Variants in DYNC2H1 observed in about 807,000 individuals in gnomAD.
The protein encoded by DYNC2H1 is dynein cytoplasmic 2 heavy chain 1, also known as cytoplasmic dynein 2 heavy chain 1.
Under a neutral mutation model 570.0 loss-of-function variants are expected in DYNC2H1, and 410 were observed. The ratio of observed to expected loss-of-function variants is 0.72; its 90% CI spans 0.66 to 0.78. The LOEUF (loss-of-function observed/expected upper bound fraction) is 0.78. Among genes scored for constraint, DYNC2H1 ranks in the 30% least tolerant of loss-of-function variants. The pLI, the probability that DYNC2H1 is intolerant of heterozygous loss-of-function variation, is 0.00. For missense variants in DYNC2H1, 4,865 were observed against 5,046.4 expected (o/e 0.96, Z 1.09); for synonymous variants, 1,688 against 1,677.6 (o/e 1.01, Z -0.15).
intron 79 of DYNC2H1, among the ~76,000 whole-genome samples, chr11:103,314,902 C>T (rs534315658): frequency 6.6e-6 from 1 of 151,900 alleles, no homozygotes; most frequent in Non-Finnish European, 1.5e-5. Context: ...TAAAAATAAA[C>T]TTTTTCACAT....
intron 79 of DYNC2H1, among the ~76,000 whole-genome samples, chr11:103,313,678 A>G (rs60654445): frequency 0.34 from 51,368 of 152,100 alleles, 9,152 homozygotes; most frequent in Middle Eastern, 0.39. Flanking sequence ...CCTCAACTGT[A>G]GAACGAGAGT....
chr11:103,401,067 T>G (rs1845297684), intron 84 of DYNC2H1, among the ~76,000 whole-genome samples: 2 of 152,164 alleles, frequency 1.3e-5, no homozygotes, highest in Non-Finnish European at 2.9e-5. Flanking sequence ...GATTCTAAAC[T>G]TTCTAAAAAC....
chr11:103,153,268 C>G lies in DYNC2H1; in HGVS notation c.3097-35C>G, dbSNP rs1435174707. 7.5e-6 allele frequency: 11 copies of G among 1,471,838 alleles called. No homozygotes were observed. The East Asian group carries it at 1.8e-4, about 24-fold the overall frequency. 91.2% of individuals were successfully genotyped at this position (1,471,838 alleles called of 1,614,324 possible). A position where few individuals can be genotyped will look rare whatever the true frequency, so the allele number is the denominator to read the frequency against. Reference sequence around the variant, plus strand: ...TATGAACCCAAAATGAAATTTTACTCTGCATTAAATTATTTAAATTTTATT... The same window carrying G: ...TATGAACCCAAAATGAAATTTTACTGTGCATTAAATTATTTAAATTTTATT... On this transcript the variant is annotated intron_variant, in intron 21 of 88. Transcript: ENST00000375735.
chr11:103,300,171 G>A (rs960110039), intron 75 of DYNC2H1, among the ~76,000 whole-genome samples: 3 of 152,042 alleles, frequency 2.0e-5, no homozygotes, highest in African/African-American at 4.8e-5. Context: ...TGCAAAGTAC[G>A]GGAGTCAATT....
chr11:103,448,733 C>CT (rs1944503831), intron 85 of DYNC2H1, among the ~76,000 whole-genome samples: 1 of 152,134 alleles, frequency 6.6e-6, no homozygotes, highest in African/African-American at 2.4e-5. Context: ...AAAGCCAGTA[C>CT]TTACCTGTTT....
intron 83 of DYNC2H1, among the ~76,000 whole-genome samples, chr11:103,367,255 A>G (rs1014260189): frequency 3.3e-5 from 5 of 152,076 alleles, no homozygotes; most frequent in Non-Finnish European, 7.4e-5. Context: ...CATTGTTCCA[A>G]TAGTTATTGC....
chr11:103,475,196 G>A (rs190352443), intron 88 of DYNC2H1, among the ~76,000 whole-genome samples: 2 of 152,198 alleles, frequency 1.3e-5, no homozygotes, highest in Admixed American at 6.5e-5. Flanking sequence ...CCATTTTAGA[G>A]TAATCAATCA....
At chr11:103,238,217 T>C (rs673970) in intron 63 of DYNC2H1, among the ~76,000 whole-genome samples, 10,301 of 152,170 alleles carry the variant, frequency 0.068, 379 homozygotes, top group Middle Eastern at 0.15. Flanking sequence ...TGGGAAAAGA[T>C]GGCTAGACAT....
At position 103,199,357 on chromosome 11, in the gene DYNC2H1, A is replaced by G; in HGVS notation, c.7969A>G (p.Ser2657Gly). The change falls in exon 49 of 89, where the codon AGT (serine) becomes GGT (glycine). Residue 2657 changes from serine (S) to glycine (G), a missense_variant. Ser to Gly is a moderately conservative substitution (Grantham distance 56). This residue lies in a region of DYNC2H1 where 2,401 missense variants were observed against 2,454.6 expected (regional missense o/e 0.98). Transcript: ENST00000375735. The surrounding 1 kb of genome is among the most constrained non-coding windows in gnomAD (Gnocchi z 4.6). ...PGGSLLLAGR[S>G]GVGRRTITSL... ...AGGTTCACTTCTATTAGCAGGACGC[A>G]GTGGTGTAGGTCGTCGGACCATCAC... 6.2e-7 allele frequency: 1 copy of G among 1,612,536 alleles called. No individual in the cohort carries two copies. The highest frequency in any genetic ancestry group is 8.5e-7 in the Non-Finnish European group (1 of 1,179,704).
rs1029763870 is a variant in DYNC2H1, at chr11:103,369,608, A to G, written c.12156+11249A>G. Among the ~76,000 whole-genome samples the G allele has an allele frequency of 2.0e-5, 3 of 152,110 alleles. No homozygotes were observed. The highest frequency in any genetic ancestry group is 6.6e-5 in the Admixed American group (1 of 15,266). The stretch of plus-strand genomic sequence containing the variant: ...AAAAGTGGGGAGGATTTTGTCTTGC[A>G]TCTTGGATACCAGCTCAGCCACAAC... On this transcript the variant is annotated intron_variant, in intron 83 of 88. Coordinates refer to ENST00000375735, the MANE Select transcript of DYNC2H1 (RefSeq NM_001377.3). The surrounding 1 kb of genome is among the most constrained non-coding windows in gnomAD (Gnocchi z 4.0).
chr11:103,113,538 T>C lies in DYNC2H1; in HGVS notation c.197T>C (p.Ile66Thr), dbSNP rs758854023. The part of the protein sequence containing the change: ...SDAGISFSNT[I>T]EFGDTKDKVL... ...ATTAAAAATCATTTATCACTTTAGA[T>C]TGAGTTTGGTGACACAAAAGATAAA... is the stretch of plus-strand genomic sequence containing the variant. Residue 66 changes from isoleucine (I) to threonine (T), a missense_variant and splice_region_variant, in exon 2 of 89, where the codon ATT becomes ACT. Ile to Thr is a moderately conservative substitution (Grantham distance 89, BLOSUM62 -1). This residue lies in a region of DYNC2H1 where 1,936 missense variants were observed against 1,962.1 expected (regional missense o/e 0.99). Transcript: ENST00000375735. 8 of 1,543,802 alleles carry C rather than the reference T, an allele frequency of 5.2e-6. No homozygotes were observed. The South Asian group carries it at 5.3e-5, about 10-fold the overall frequency.
intron 59 of DYNC2H1, among the ~76,000 whole-genome samples, chr11:103,224,133 T>TA (rs750162013): frequency 1.6e-4 from 25 of 152,120 alleles, no homozygotes; most frequent in Non-Finnish European, 2.8e-4. Context: ...TGTGGGCAGG[T>TA]AGGAGGAAGA....
At chr11:103,242,995 G>C (rs894502373) in intron 63 of DYNC2H1, among the ~76,000 whole-genome samples, 1 of 151,924 alleles carries the variant, frequency 6.6e-6, no homozygotes, top group Admixed American at 6.6e-5. Context: ...ACCACACCGG[G>C]CCTGACTTCC....
At chr11:103,459,322 AAAAAAAAAAAAG>A (rs1358032153) in intron 87 of DYNC2H1, among the ~76,000 whole-genome samples, 1 of 148,774 alleles carries the variant, frequency 6.7e-6, no homozygotes, top group African/African-American at 2.5e-5. Flanking sequence ...AAAAAAAAAA[AAAAAAAAAAAAG>A]GAAATTCCAT....
chr11:103,276,121 C>A (rs955090393), intron 70 of DYNC2H1, among the ~76,000 whole-genome samples: 1 of 151,796 alleles, frequency 6.6e-6, no homozygotes, highest in Non-Finnish European at 1.5e-5. Flanking sequence ...TGATGTGGAA[C>A]TTTTTTTTAC....
chr11:103,318,616 T>G (rs1200055373), intron 80 of DYNC2H1, among the ~76,000 whole-genome samples: 2 of 152,140 alleles, frequency 1.3e-5, no homozygotes, highest in Non-Finnish European at 2.9e-5. Flanking sequence ...TATAGATATA[T>G]TTCTGTTGAG....
At chr11:103,118,769 AG>A (rs1304372853) in intron 6 of DYNC2H1, among the ~76,000 whole-genome samples, 3 of 152,170 alleles carry the variant, frequency 2.0e-5, no homozygotes, top group Non-Finnish European at 4.4e-5. Context: ...TTAATTTAAA[AG>A]TTTCCCCTTT....
chr11:103,430,500 T>C (rs1341218912), intron 84 of DYNC2H1, among the ~76,000 whole-genome samples: 1 of 152,110 alleles, frequency 6.6e-6, no homozygotes, highest in Non-Finnish European at 1.5e-5. Context: ...ACCTCCCTGA[T>C]TGCAGTTTCG....
intron 83 of DYNC2H1, among the ~76,000 whole-genome samples, chr11:103,381,726 C>A (rs1276109116): frequency 6.6e-6 from 1 of 152,224 alleles, no homozygotes; most frequent in African/African-American, 2.4e-5. Flanking sequence ...GGATTACAGG[C>A]GTGAGCCACC....
Sources: gnomAD v4.1 joint callset for allele counts (sites outside exome capture counted in the v4.1 genomes callset) on GRCh38, gnomAD v4.1.1 for gene constraint, gnomAD v4.1.1 regional missense constraint, Gnocchi (gnomAD v3.1) non-coding constraint, MANE v1.5 for transcripts, NCBI Gene and HGNC (gene_info 2026-07-23, HGNC 2026-07-21) for gene names.